Variants in PTAR1 observed in about 807,000 individuals in gnomAD.
PTAR1 encodes protein prenyltransferase alpha subunit repeat-containing protein 1.
In PTAR1, 17 loss-of-function variants were observed where a neutral mutation model predicts 45.5. That is an observed-to-expected ratio of 0.37 (90% confidence interval 0.26 to 0.56). The LOEUF (loss-of-function observed/expected upper bound fraction) is 0.56. Among genes scored for constraint, PTAR1 ranks in the 20% least tolerant of loss-of-function variants. PTAR1 has a pLI of 0.77. For synonymous variants in PTAR1, 169 were observed against 171.3 expected, an observed-to-expected ratio of 0.99 and a Z score of 0.11; for missense variants, 391 against 476.3, an observed-to-expected ratio of 0.82 and a Z score of 1.67.
At position 69,711,307 on chromosome 9, in the gene PTAR1, T is replaced by C. The variant is rs1824514371; in HGVS notation, c.*7035A>G. On this transcript the variant is annotated 3_prime_UTR_variant, in exon 8 of 8. Transcript: ENST00000340434. The stretch of plus-strand genomic sequence containing the variant: ...CGCCAGGAGGCAATGCCTAATTACA[T>C]TTGTACTATACACTCTGTTCCTCAC... The C allele has an allele frequency of 6.6e-6, 1 of 152,204 alleles. No homozygotes were observed. The highest frequency in any genetic ancestry group is 2.1e-4 in the South Asian group (1 of 4,832). 9.4% of individuals were successfully genotyped at this position (152,204 alleles called of 1,614,324 possible).
chr9:69,725,401 C>A (rs1825224869), intron 5 of PTAR1, among the ~76,000 whole-genome samples: 1 of 151,746 alleles, frequency 6.6e-6, no homozygotes, highest in East Asian at 1.9e-4. Flanking sequence ...ACCAGCCTGG[C>A]CAAAATGGTG....
intron 3 of PTAR1, among the ~76,000 whole-genome samples, chr9:69,735,052 TGG>T (rs1825721894): frequency 6.6e-6 from 1 of 152,236 alleles, no homozygotes; most frequent in African/African-American, 2.4e-5. Flanking sequence ...ATTCTTACTT[TGG>T]ATAAGTTTCC....
intron 2 of PTAR1, among the ~76,000 whole-genome samples, chr9:69,748,740 CAT>C (rs1028970043): frequency 1.4e-4 from 22 of 152,024 alleles, no homozygotes; most frequent in African/African-American, 5.3e-4. Context: ...ACATTTTTGA[CAT>C]GTTTTTCTTA....
At chr9:69,732,088 A>G (rs1473633044) in intron 5 of PTAR1, 51 bp downstream of exon 5, 1 of 1,333,526 alleles carries the variant, frequency 7.5e-7, no homozygotes, top group East Asian at 2.3e-5. Flanking sequence ...TACTACCAGA[A>G]GATTTTAAGG....
intron 6 of PTAR1, 87 bp from the exon 7 acceptor site, chr9:69,718,771 A>G: frequency 9.8e-7 from 1 of 1,016,188 alleles, no homozygotes; most frequent in Non-Finnish European, 1.4e-6. Flanking sequence ...CAATTTCAAA[A>G]CATACAGTAT....
chr9:69,726,195 C>T (rs1224805552), intron 5 of PTAR1, among the ~76,000 whole-genome samples: 3 of 152,068 alleles, frequency 2.0e-5, no homozygotes, highest in African/African-American at 7.2e-5. Flanking sequence ...CCAGAGATCA[C>T]TACTTGTAAC....
At chr9:69,745,526 A>G (rs1826237655) in intron 2 of PTAR1, among the ~76,000 whole-genome samples, 2 of 152,242 alleles carry the variant, frequency 1.3e-5, no homozygotes, top group East Asian at 3.9e-4. Context: ...ACTTCTGTAC[A>G]GCAGCACAAG....
chr9:69,744,053 C>A (rs1037428580), intron 2 of PTAR1, among the ~76,000 whole-genome samples: 3 of 152,262 alleles, frequency 2.0e-5, no homozygotes, highest in African/African-American at 4.8e-5. Context: ...ATAGTCTGCT[C>A]TCTAAGAGAT....
chr9:69,723,718 T>C, intron 5 of PTAR1, 88 bp from the exon 6 acceptor site: 2 of 1,071,360 alleles, frequency 1.9e-6, no homozygotes, highest in Non-Finnish European at 2.7e-6. Flanking sequence ...CTTTGATTTG[T>C]TCCTTTTTTG....
intron 5 of PTAR1, among the ~76,000 whole-genome samples, chr9:69,730,604 C>T (rs930567437): frequency 3.4e-5 from 5 of 148,028 alleles, no homozygotes; most frequent in South Asian, 2.2e-4. Flanking sequence ...TTCCTTCCCC[C>T]GGCAGCTATT....
rs1415610888 is a variant in PTAR1, at chr9:69,715,453, GGTACACTAAA to G, written c.*2879_*2888del. The G allele has an allele frequency of 6.6e-6, 1 of 152,060 alleles. No individual in the cohort carries two copies. The allele number at this position is 152,060 out of a possible 1,614,324, so 9.4% of individuals were successfully genotyped here. On this transcript the variant is annotated 3_prime_UTR_variant, in exon 8 of 8. Transcript: ENST00000340434. The stretch of plus-strand genomic sequence containing the variant: ...TGGAAAACACCGTACTGCCAAAATA[GGTACACTAAA>G]GTACACTAAGGTACACTAAAGGCGG...
At position 69,718,207 on chromosome 9, in the gene PTAR1, A is replaced by C. The variant is rs1824808247; in HGVS notation, c.*135T>G. ...ACAAAATAAATAAAATGAAAGATTT[A>C]CTATGGACTTTCAACCTAAAGACGA... On this transcript the variant is annotated 3_prime_UTR_variant, in exon 8 of 8. Transcript: ENST00000340434. 3.5e-6 allele frequency: 2 copies of C among 571,726 alleles called. No homozygotes were observed. The highest frequency in any genetic ancestry group is 6.0e-6 in the Non-Finnish European group (2 of 332,530). 35.4% of individuals were successfully genotyped at this position (571,726 alleles called of 1,614,324 possible).
intron 5 of PTAR1, among the ~76,000 whole-genome samples, chr9:69,731,356 T>G (rs1825526909): frequency 6.6e-6 from 1 of 152,156 alleles, no homozygotes; most frequent in African/African-American, 2.4e-5. Context: ...GCTTTTTAGA[T>G]GAGCACCCTA....
chr9:69,751,195 CTT>C (rs1564147274), intron 1 of PTAR1, among the ~76,000 whole-genome samples: 1 of 152,024 alleles, frequency 6.6e-6, no homozygotes, highest in African/African-American at 2.4e-5. Context: ...AAAAAAAAGT[CTT>C]TCAAAATTTT....
chr9:69,737,817 T>C (rs1825860764), intron 3 of PTAR1, among the ~76,000 whole-genome samples: 1 of 152,222 alleles, frequency 6.6e-6, no homozygotes, highest in Non-Finnish European at 1.5e-5. Context: ...TCAATCTTTT[T>C]TTAAAAATAA....
intron 5 of PTAR1, among the ~76,000 whole-genome samples, chr9:69,727,144 T>C (rs956552218): frequency 1.3e-5 from 2 of 152,134 alleles, no homozygotes; most frequent in Non-Finnish European, 2.9e-5. Flanking sequence ...AATTAACTTA[T>C]CTATCACCTC....
At chr9:69,719,012 C>T (rs1824859013) in intron 6 of PTAR1, among the ~76,000 whole-genome samples, 1 of 152,156 alleles carries the variant, frequency 6.6e-6, no homozygotes. Context: ...ATGTGACAGT[C>T]TTATTTCTGC....
intron 2 of PTAR1, among the ~76,000 whole-genome samples, chr9:69,743,922 C>T (rs968452705): frequency 6.6e-5 from 10 of 152,060 alleles, no homozygotes; most frequent in African/African-American, 2.2e-4. Context: ...ACCAAAGAAG[C>T]TGCAATTAAT....
rs144780951 is a variant in PTAR1 at position 69,755,952 on chromosome 9, C to T, written c.86+3901G>A. Among the ~76,000 whole-genome samples the T allele has an allele frequency of 7.2e-5, 11 of 152,124 alleles. No homozygotes were observed. The East Asian group carries it at 2.1e-3, about 29-fold the overall frequency. The stretch of plus-strand genomic sequence containing the variant: ...AATCTCATAAAGTAGGAATTTTGAC[C>T]CCATTTTACAGAGGAAGAGTCTTGT... On this transcript the variant is annotated intron_variant, in intron 1 of 7. Coordinates refer to ENST00000340434, the MANE Select transcript of PTAR1 (RefSeq NM_001099666.2).
Sources: allele counts gnomAD v4.1 joint callset (sites outside exome capture counted in the v4.1 genomes callset), GRCh38; gene constraint gnomAD v4.1.1; transcripts MANE v1.5; gene names NCBI Gene and HGNC (gene_info 2026-07-23, HGNC 2026-07-21).